RBBP8: variants seen among roughly 807,000 people sequenced by gnomAD.
RBBP8 encodes RB binding protein 8, endonuclease.
RBBP8 carries 88 observed loss-of-function variants against 108.3 expected under a neutral mutation model. The observed-to-expected ratio is 0.81, with a 90% CI of 0.68 to 0.97. The LOEUF (loss-of-function observed/expected upper bound fraction) is 0.97, where lower values mean the gene tolerates loss of function less well. RBBP8 is among the 50% of genes least tolerant of loss of function. RBBP8 has a pLI of 0.00. For synonymous variants in RBBP8, 332 were observed against 348.2 expected (o/e 0.95, Z 0.52); for missense variants, 1,023 against 1,049.0 (o/e 0.98, Z 0.34).
At chr18:22,967,669 C>T (rs1360789887) in intron 4 of RBBP8, among the ~76,000 whole-genome samples, 13 of 135,110 alleles carry the variant, frequency 9.6e-5, no homozygotes, top group South Asian at 7.0e-4. Context: ...TTTTTTGAGA[C>T]GGAGTCTCGC....
At chr18:22,928,186 G>C (rs1163367906) in intron 3 of RBBP8, among the ~76,000 whole-genome samples, 2 of 150,216 alleles carry the variant, frequency 1.3e-5, no homozygotes, top group African/African-American at 2.5e-5. Flanking sequence ...GGGGGACAGA[G>C]TAAGACTTTG....
chr18:23,013,921 A>G (rs2046213071), intron 16 of RBBP8, among the ~76,000 whole-genome samples: 1 of 152,230 alleles, frequency 6.6e-6, no homozygotes, highest in African/African-American at 2.4e-5. Flanking sequence ...TGCAAAGGTG[A>G]CCTCAATACT....
At chr18:22,949,787 A>C in intron 4 of RBBP8, 74 bp downstream of exon 4, 1 of 1,174,950 alleles carries the variant, frequency 8.5e-7, no homozygotes. Context: ...TTTCATTTGT[A>C]ATTAGTTTTG....
intron 3 of RBBP8, among the ~76,000 whole-genome samples, chr18:22,948,206 G>C (rs1911736174): frequency 6.6e-6 from 1 of 151,986 alleles, no homozygotes; most frequent in South Asian, 2.1e-4. Flanking sequence ...TACAGATTAA[G>C]TTAAATATTA....
In RBBP8 at chr18:23,026,269, GAC is replaced by G; in HGVS notation, c.*31_*32del. The G allele has an allele frequency of 6.4e-7, 1 of 1,572,070 alleles. No individual in the cohort carries two copies. The highest frequency in any genetic ancestry group is 8.8e-7 in the Non-Finnish European group (1 of 1,142,814). Reference sequence around the variant, plus strand: ...TTGAAACAGAAACAGAAGGATGAAGGACAGTTTTTTCCTTCTTAGTTATTTAT... The same window carrying G: ...TTGAAACAGAAACAGAAGGATGAAGGAGTTTTTTCCTTCTTAGTTATTTAT... On this transcript the variant is annotated 3_prime_UTR_variant, in exon 19 of 19. Coordinates refer to ENST00000327155, the MANE Select transcript of RBBP8 (RefSeq NM_002894.3).
At chr18:23,019,886 T>C (rs989142960) in intron 17 of RBBP8, among the ~76,000 whole-genome samples, 6 of 150,614 alleles carry the variant, frequency 4.0e-5, no homozygotes, top group Non-Finnish European at 8.9e-5. Context: ...CTCAGCCTCC[T>C]GAGTAGCTGG....
chr18:22,976,466 A>G (rs1914504983), intron 6 of RBBP8, among the ~76,000 whole-genome samples: 1 of 152,142 alleles, frequency 6.6e-6, no homozygotes, highest in African/African-American at 2.4e-5. Flanking sequence ...ACCTAACCTC[A>G]CTGCAATGGC....
At chr18:22,983,075 A>C (rs755704342) in intron 7 of RBBP8, among the ~76,000 whole-genome samples, 2 of 152,208 alleles carry the variant, frequency 1.3e-5, no homozygotes, top group Admixed American at 1.3e-4. Context: ...CTTTTCAGTG[A>C]CATGTTTCTA....
intron 15 of RBBP8, among the ~76,000 whole-genome samples, chr18:23,002,446 T>G (rs2045964642): frequency 6.6e-6 from 1 of 151,986 alleles, no homozygotes; most frequent in South Asian, 2.1e-4. Flanking sequence ...AAAAGGAAAA[T>G]TCAGATCTGT....
chr18:22,953,509 A>C (rs945530582), intron 4 of RBBP8, among the ~76,000 whole-genome samples: 10 of 152,270 alleles, frequency 6.6e-5, no homozygotes, highest in African/African-American at 2.2e-4. Flanking sequence ...TTCATCCCCA[A>C]GATAGTATTC....
intron 2 of RBBP8, among the ~76,000 whole-genome samples, chr18:22,937,874 G>A (rs961538019): frequency 1.3e-5 from 2 of 152,036 alleles, no homozygotes; most frequent in African/African-American, 4.8e-5. Flanking sequence ...TGCCCAGGCT[G>A]GAGTGCAGTG....
intron 8 of RBBP8, chr18:22,985,192 TACTA>T (rs1567978165): frequency 3.6e-6 from 1 of 276,224 alleles, no homozygotes; most frequent in Non-Finnish European, 5.5e-6. Context: ...TAATATAAAT[TACTA>T]ATAATTTTAA....
chr18:22,996,233 CT>C, intron 12 of RBBP8, 140 bp from the exon 13 acceptor site: 1 of 1,358,736 alleles, frequency 7.4e-7, no homozygotes, highest in Non-Finnish European at 9.7e-7. Context: ...TGTGAGAGTT[CT>C]TTATATATCT....
intron 4 of RBBP8, among the ~76,000 whole-genome samples, chr18:22,962,387 AACTC>A (rs1913178940): frequency 6.6e-6 from 1 of 151,772 alleles, no homozygotes; most frequent in Admixed American, 6.6e-5. Context: ...GTATTCTTAA[AACTC>A]ACTCCCTCTC....
intron 1 of RBBP8, chr18:22,933,767 T>A (rs540277619): frequency 2.6e-5 from 4 of 151,904 alleles, no homozygotes; most frequent in Non-Finnish European, 5.9e-5. Context: ...TCAGTACTAC[T>A]TCTGGGTCTC....
chr18:23,023,387 C>T (rs2046404651), intron 18 of RBBP8, among the ~76,000 whole-genome samples: 1 of 152,126 alleles, frequency 6.6e-6, no homozygotes, highest in Non-Finnish European at 1.5e-5. Context: ...TGTTGACATG[C>T]AACTAGCTTG....
At chr18:22,964,946 G>A (rs1456439488) in intron 4 of RBBP8, among the ~76,000 whole-genome samples, 1 of 151,952 alleles carries the variant, frequency 6.6e-6, no homozygotes, top group African/African-American at 2.4e-5. Flanking sequence ...TGGAAACTAT[G>A]ACTTTAAAAG....
chr18:22,941,425 G>T (rs1001821398), intron 2 of RBBP8, among the ~76,000 whole-genome samples: 1 of 152,034 alleles, frequency 6.6e-6, no homozygotes, highest in South Asian at 2.1e-4. Context: ...GCCCATCTCG[G>T]CCTCCCAAAG....
chr18:22,925,998 CT>C (rs756034247), intron 3 of RBBP8, among the ~76,000 whole-genome samples: 37 of 152,134 alleles, frequency 2.4e-4, no homozygotes, highest in Non-Finnish European at 4.7e-4. Context: ...AGAAAAAAGG[CT>C]TATGGGCTAA....
Sources: allele counts gnomAD v4.1 joint callset (sites outside exome capture counted in the v4.1 genomes callset), GRCh38; gene constraint gnomAD v4.1.1; transcripts MANE v1.5; gene names NCBI Gene and HGNC (gene_info 2026-07-23, HGNC 2026-07-21).